RRAGD: variants seen among roughly 807,000 people sequenced by gnomAD.
The protein encoded by RRAGD is Ras related GTP binding D, also known as ras-related GTP-binding protein D.
Under a neutral mutation model 35.5 loss-of-function variants are expected in RRAGD, and 12 were observed. The observed-to-expected ratio is 0.34, with a 90% CI of 0.22 to 0.55. RRAGD has a LOEUF of 0.55. RRAGD is among the 20% of genes least tolerant of loss of function. The probability of loss-of-function intolerance (pLI) is 0.91; values close to 1 mark genes in which losing one functional copy is unlikely to be tolerated. For synonymous variants in RRAGD, 155 were observed against 178.9 expected (o/e 0.87, Z 1.07); for missense variants, 324 against 490.1 (o/e 0.66, Z 3.20).
intron 1 of RRAGD, among the ~76,000 whole-genome samples, chr6:89,404,801 A>G (rs886931727): frequency 6.6e-6 from 1 of 152,208 alleles, no homozygotes; most frequent in Non-Finnish European, 1.5e-5. Context: ...TCTGAGGGTT[A>G]GGAATGCTTA....
chr6:89,412,081 G>A lies in RRAGD; in HGVS notation c.-88C>T. 1 of 1,349,824 alleles carries A rather than the reference G, an allele frequency of 7.4e-7. No individual in the cohort carries two copies. The highest frequency in any genetic ancestry group is 9.8e-7 in the Non-Finnish European group (1 of 1,023,154). 83.6% of individuals were successfully genotyped at this position (1,349,824 alleles called of 1,614,324 possible). ...AGCCGGCCGCCCGCAGCCTATTTCTGAAGCGGAGGTTTGTCTAGAGCTCAG... is the reference window on the plus strand; with the variant it reads ...AGCCGGCCGCCCGCAGCCTATTTCTAAAGCGGAGGTTTGTCTAGAGCTCAG... On this transcript the variant is annotated 5_prime_UTR_variant, in exon 1 of 7. Transcript: ENST00000369415. This position sits in a 1 kb window ranked among gnomAD's most constrained non-coding sequence, Gnocchi z 4.2.
intron 1 of RRAGD, among the ~76,000 whole-genome samples, chr6:89,402,134 G>A (rs1387973302): frequency 7.3e-6 from 1 of 136,880 alleles, no homozygotes; most frequent in Non-Finnish European, 1.5e-5. Context: ...TGCAACCTCC[G>A]CCTCCCAGGT....
rs1768777701 is a variant in RRAGD, at chr6:89,367,623, T to C, written c.*433A>G. 6.5e-6 allele frequency: 1 copy of C among 153,888 alleles called. No homozygotes were observed. Among genetic ancestry groups the C allele is most frequent in the South Asian group, 2.1e-4 (1 of 4,860 alleles). The allele number at this position is 153,888 out of a possible 1,614,324, so 9.5% of individuals were successfully genotyped here. On this transcript the variant is annotated 3_prime_UTR_variant, in exon 7 of 7. Transcript: ENST00000369415. ...CAAAAAGTCATTACCAATGCATCAC[T>C]TTTTGATTAATTTCTGATTGCCATA...
intron 1 of RRAGD, among the ~76,000 whole-genome samples, chr6:89,403,479 C>T (rs1163175583): frequency 6.6e-6 from 1 of 151,716 alleles, no homozygotes; most frequent in Non-Finnish European, 1.5e-5. Flanking sequence ...GTGTAAAGTA[C>T]CAATTCAAAG....
intron 2 of RRAGD, among the ~76,000 whole-genome samples, chr6:89,382,770 G>A (rs1307525460): frequency 6.6e-6 from 1 of 151,788 alleles, no homozygotes. Flanking sequence ...CAGCTACTCA[G>A]GAGGCTGAGG....
At chr6:89,391,679 A>G (rs1769237311) in intron 1 of RRAGD, among the ~76,000 whole-genome samples, 1 of 152,166 alleles carries the variant, frequency 6.6e-6, no homozygotes, top group African/African-American at 2.4e-5. Context: ...TTTGCCAGGC[A>G]TGGTGGCTCA....
chr6:89,371,913 C>T (rs896626099), intron 6 of RRAGD, among the ~76,000 whole-genome samples: 6 of 152,142 alleles, frequency 3.9e-5, no homozygotes, highest in African/African-American at 1.2e-4. Flanking sequence ...CTTCCCTTTC[C>T]GGAATCATGA....
chr6:89,399,429 C>G (rs1432399777), intron 1 of RRAGD, among the ~76,000 whole-genome samples: 4 of 152,184 alleles, frequency 2.6e-5, no homozygotes, highest in Non-Finnish European at 4.4e-5. Flanking sequence ...CAGGGACTCC[C>G]TAGTTCCGAA....
chr6:89,386,132 A>C (rs140109236), intron 2 of RRAGD, among the ~76,000 whole-genome samples: 2 of 152,310 alleles, frequency 1.3e-5, no homozygotes, highest in East Asian at 3.9e-4. Flanking sequence ...CATGCTGAGA[A>C]GGGCTGATGC....
intron 4 of RRAGD, among the ~76,000 whole-genome samples, chr6:89,378,348 G>C (rs898645977): frequency 1.3e-5 from 2 of 151,978 alleles, no homozygotes; most frequent in African/African-American, 2.4e-5. Context: ...TTTATTTTAG[G>C]TAACCAAATT....
At chr6:89,395,214 G>A (rs898537915) in intron 1 of RRAGD, among the ~76,000 whole-genome samples, 6 of 152,172 alleles carry the variant, frequency 3.9e-5, no homozygotes, top group Admixed American at 6.5e-5. Context: ...AGCCATGATT[G>A]TGCCACTGCA....
intron 1 of RRAGD, among the ~76,000 whole-genome samples, chr6:89,409,596 G>A (rs1283755401): frequency 3.3e-5 from 5 of 152,190 alleles, no homozygotes; most frequent in Non-Finnish European, 5.9e-5. Flanking sequence ...GCACAGGAAG[G>A]GAAGTCACAA....
At chr6:89,392,475 G>A (rs1359468518) in intron 1 of RRAGD, among the ~76,000 whole-genome samples, 3 of 74,390 alleles carry the variant, frequency 4.0e-5, no homozygotes, top group African/African-American at 2.8e-4. Flanking sequence ...GCAAAACCCT[G>A]TCTCGAAAAA....
chr6:89,383,513 T>C (rs1246249485), intron 2 of RRAGD, among the ~76,000 whole-genome samples: 2 of 152,216 alleles, frequency 1.3e-5, no homozygotes, highest in Non-Finnish European at 2.9e-5. Context: ...TAGTTTCTAC[T>C]CTGAAATTAG....
chr6:89,398,775 C>A (rs1023483589), intron 1 of RRAGD, among the ~76,000 whole-genome samples: 2 of 152,204 alleles, frequency 1.3e-5, no homozygotes, highest in Non-Finnish European at 2.9e-5. Flanking sequence ...TGAAGAAATT[C>A]TGGTTTTGGT....
chr6:89,395,878 T>C (rs996707470), intron 1 of RRAGD, among the ~76,000 whole-genome samples: 1 of 151,614 alleles, frequency 6.6e-6, no homozygotes, highest in African/African-American at 2.4e-5. Context: ...CATAGACAAA[T>C]GATTTTTCAC....
chr6:89,375,245 C>T (rs774197905), intron 5 of RRAGD, among the ~76,000 whole-genome samples: 73 of 152,042 alleles, frequency 4.8e-4, no homozygotes, highest in Non-Finnish European at 7.2e-4. Context: ...ATTCTTTAGA[C>T]TTTTATGTAT....
chr6:89,373,851 C>T (rs1582504205), intron 5 of RRAGD, among the ~76,000 whole-genome samples: 1 of 152,132 alleles, frequency 6.6e-6, no homozygotes, highest in Non-Finnish European at 1.5e-5. Flanking sequence ...AAGCATAATG[C>T]TGAGAACATA....
At chr6:89,382,238 A>G (rs1769056004) in intron 2 of RRAGD, among the ~76,000 whole-genome samples, 1 of 151,738 alleles carries the variant, frequency 6.6e-6, no homozygotes, top group South Asian at 2.1e-4. Flanking sequence ...AGAGGGAAAA[A>G]CCGCAAATGG....
Sources: gnomAD v4.1 joint callset for allele counts (sites outside exome capture counted in the v4.1 genomes callset) on GRCh38, gnomAD v4.1.1 for gene constraint, Gnocchi (gnomAD v3.1) non-coding constraint, MANE v1.5 for transcripts, NCBI Gene and HGNC (gene_info 2026-07-23, HGNC 2026-07-21) for gene names.